PTPRD: variants seen among roughly 807,000 people sequenced by gnomAD.
PTPRD encodes receptor-type tyrosine-protein phosphatase delta.
In PTPRD, 34 loss-of-function variants were observed where a neutral mutation model predicts 214.5. The observed-to-expected ratio is 0.16, with a 90% CI of 0.12 to 0.21. The LOEUF (loss-of-function observed/expected upper bound fraction) is 0.21, where lower values mean the gene tolerates loss of function less well. PTPRD is among the 10% of genes least tolerant of loss of function. The pLI is 1.00. For synonymous variants in PTPRD, 1,128 were observed against 845.7 expected (o/e 1.33, Z -5.79); for missense variants, 2,545 against 2,398.7 (o/e 1.06, Z -1.27).
intron 2 of PTPRD, among the ~76,000 whole-genome samples, chr9:10,551,923 T>A (rs1033136004): frequency 2.6e-5 from 4 of 152,180 alleles, no homozygotes; most frequent in Non-Finnish European, 5.9e-5. Context: ...CTACTTCAAG[T>A]ACTCCCTTTC....
At chr9:9,513,799 G>T (rs1183576662) in intron 8 of PTPRD, among the ~76,000 whole-genome samples, 1 of 151,994 alleles carries the variant, frequency 6.6e-6, no homozygotes, top group Admixed American at 6.6e-5. Context: ...GATAGTCATT[G>T]AAAGGGCAAA....
At chr9:8,791,981 G>T (rs12348514) in intron 11 of PTPRD, among the ~76,000 whole-genome samples, 29,375 of 152,076 alleles carry the variant, frequency 0.19, 4,282 homozygotes, top group African/African-American at 0.41. Flanking sequence ...AGGGACTGAA[G>T]AGGTAATGAA....
chr9:8,330,297 C>G (rs1430139279), intron 44 of PTPRD, among the ~76,000 whole-genome samples: 2 of 152,180 alleles, frequency 1.3e-5, no homozygotes, highest in Non-Finnish European at 1.5e-5. Context: ...CAGACCAGAG[C>G]TATTCCTATT....
chr9:10,201,884 A>G (rs1262795167), intron 3 of PTPRD, among the ~76,000 whole-genome samples: 1 of 149,340 alleles, frequency 6.7e-6, no homozygotes, highest in African/African-American at 2.5e-5. Context: ...TTTGAGAGGT[A>G]CAATTTTCAG....
At position 8,316,595 on chromosome 9, in the gene PTPRD, C is replaced by G. The variant is rs1307209818; in HGVS notation, c.*1279G>C. 2 of 230,852 alleles carry G rather than the reference C, an allele frequency of 8.7e-6. No individual in the cohort carries two copies. Among genetic ancestry groups the G allele is most frequent in the Admixed American group, 5.7e-5 (1 of 17,660 alleles). 14.3% of individuals were successfully genotyped at this position (230,852 alleles called of 1,614,324 possible). On this transcript the variant is annotated 3_prime_UTR_variant, in exon 46 of 46. Coordinates refer to ENST00000381196, the MANE Select transcript of PTPRD (RefSeq NM_002839.4). ...TAAAGGGATATGCACTGACCTTTCC[C>G]ACATGCACACCTCTTAGCTATTTAA...
At chr9:8,598,235 T>G (rs1336536161) in intron 14 of PTPRD, among the ~76,000 whole-genome samples, 1 of 152,134 alleles carries the variant, frequency 6.6e-6, no homozygotes. Context: ...GCAGATCACC[T>G]GAGGTCAGGA....
intron 9 of PTPRD, among the ~76,000 whole-genome samples, chr9:9,366,093 T>C (rs1421106336): frequency 6.6e-6 from 1 of 151,466 alleles, no homozygotes; most frequent in Non-Finnish European, 1.5e-5. Context: ...GCATGAGAAT[T>C]CAAATACCCT....
At chr9:8,826,305 T>C (rs541279503) in intron 11 of PTPRD, among the ~76,000 whole-genome samples, 2 of 152,272 alleles carry the variant, frequency 1.3e-5, no homozygotes, top group African/African-American at 2.4e-5. Flanking sequence ...ATAATTTATA[T>C]ATTTTTTAAA....
intron 7 of PTPRD, among the ~76,000 whole-genome samples, chr9:9,628,125 G>C (rs563576642): frequency 6.6e-6 from 1 of 152,180 alleles, no homozygotes; most frequent in Non-Finnish European, 1.5e-5. Context: ...TTAATCATTA[G>C]TCAACTCTCA....
intron 2 of PTPRD, among the ~76,000 whole-genome samples, chr9:10,372,529 C>T (rs1031218347): frequency 2.0e-5 from 3 of 152,012 alleles, no homozygotes; most frequent in African/African-American, 7.2e-5. Flanking sequence ...TTAAATTTTA[C>T]TTTGTCTGCC....
intron 3 of PTPRD, among the ~76,000 whole-genome samples, chr9:10,137,545 C>G (rs1173179209): frequency 1.2e-5 from 1 of 80,472 alleles, no homozygotes; most frequent in Admixed American, 1.5e-4. Context: ...ACTCTGGGGA[C>G]TGTGGTGGCG....
In PTPRD at chr9:9,522,965, C is replaced by A. The variant is rs2097024460; in HGVS notation, c.-237+51767G>T. ...AAGGTGGAAAAGCCTAAGGGTCCGA[C>A]CATCTATCTATGGAGGAGGCCATGT... On this transcript the variant is annotated intron_variant, in intron 8 of 45. Coordinates refer to ENST00000381196, the MANE Select transcript of PTPRD (RefSeq NM_002839.4). Among the ~76,000 whole-genome samples, 3 of 152,228 alleles carry A rather than the reference C, an allele frequency of 2.0e-5. No homozygotes were observed. The South Asian group carries it at 6.2e-4, about 32-fold the overall frequency.
chr9:9,311,613 A>AG (rs1271136896), intron 9 of PTPRD, among the ~76,000 whole-genome samples: 2 of 152,166 alleles, frequency 1.3e-5, no homozygotes, highest in Non-Finnish European at 2.9e-5. Context: ...GCTTTCTTGC[A>AG]TGTGATTTTC....
intron 3 of PTPRD, among the ~76,000 whole-genome samples, chr9:10,083,599 G>T (rs1324210293): frequency 6.6e-6 from 1 of 151,884 alleles, no homozygotes; most frequent in East Asian, 1.9e-4. Context: ...ATTTAACAGT[G>T]GAAGATGACA....
At chr9:9,882,265 AATTAGAAT>A (rs1212619066) in intron 5 of PTPRD, among the ~76,000 whole-genome samples, 1 of 152,086 alleles carries the variant, frequency 6.6e-6, no homozygotes, top group Admixed American at 6.6e-5. Flanking sequence ...GAAGGATCGA[AATTAGAAT>A]ATTTTCTAGA....
chr9:8,552,331 G>C (rs2082351178), intron 14 of PTPRD, among the ~76,000 whole-genome samples: 1 of 152,222 alleles, frequency 6.6e-6, no homozygotes, highest in African/African-American at 2.4e-5. Context: ...GAAAGTATTA[G>C]CAGGTTTCTC....
intron 9 of PTPRD, among the ~76,000 whole-genome samples, chr9:9,288,606 C>G (rs1950226548): frequency 6.6e-6 from 1 of 151,828 alleles, no homozygotes; most frequent in African/African-American, 2.4e-5. Context: ...ATCAAGGTAT[C>G]TGTATTACAA....
At chr9:9,991,356 T>C (rs1380624184) in intron 4 of PTPRD, among the ~76,000 whole-genome samples, 1 of 149,210 alleles carries the variant, frequency 6.7e-6, no homozygotes, top group African/African-American at 2.5e-5. Context: ...TTTATCAAAA[T>C]ATACTTTTTT....
intron 2 of PTPRD, among the ~76,000 whole-genome samples, chr9:10,603,306 T>G (rs2078449094): frequency 6.6e-6 from 1 of 151,822 alleles, no homozygotes; most frequent in Non-Finnish European, 1.5e-5. Context: ...TAGTTTTCCT[T>G]GATATGATTT....
Sources: allele counts gnomAD v4.1 joint callset (sites outside exome capture counted in the v4.1 genomes callset), GRCh38; gene constraint gnomAD v4.1.1; transcripts MANE v1.5; gene names NCBI Gene and HGNC (gene_info 2026-07-23, HGNC 2026-07-21).